Variants in CD83 observed in about 807,000 individuals in gnomAD.
CD83 encodes CD83 molecule, also known as CD83 antigen.
A neutral mutation model predicts 24.6 loss-of-function variants in CD83; 22 were observed. The observed-to-expected ratio is 0.90, with a 90% CI of 0.64 to 1.28. The LOEUF is 1.28. Among genes scored for constraint, CD83 ranks in the 50% most tolerant of loss-of-function variants. The pLI is 0.00. For synonymous variants in CD83, 101 were observed against 103.5 expected (o/e 0.98, Z 0.14); for missense variants, 253 against 252.8 (o/e 1.00, Z -0.01).
chr6:14,128,253 GT>G (rs1383094513), intron 2 of CD83, among the ~76,000 whole-genome samples: 1 of 152,160 alleles, frequency 6.6e-6, no homozygotes, highest in East Asian at 1.9e-4. Context: ...ATAAAGCAGG[GT>G]GATAGCTGCC....
At chr6:14,126,132 T>C (rs1048780854) in intron 2 of CD83, among the ~76,000 whole-genome samples, 1 of 152,242 alleles carries the variant, frequency 6.6e-6, no homozygotes, top group Non-Finnish European at 1.5e-5. Flanking sequence ...ATGGAGAAAC[T>C]GGGATTGACT....
At chr6:14,134,939 G>C (rs899896237) in intron 4 of CD83, among the ~76,000 whole-genome samples, 169 bp from the exon 5 acceptor site, 1 of 152,178 alleles carries the variant, frequency 6.6e-6, no homozygotes, top group Non-Finnish European at 1.5e-5. Context: ...GTTTAGAGAC[G>C]CCAGTGAAAT....
At position 14,131,661 on chromosome 6, in the gene CD83, A is replaced by G; in HGVS notation, c.295A>G (p.Ser99Gly). The G allele has an allele frequency of 6.2e-7, 1 of 1,614,190 alleles. No individual in the cohort carries two copies. Among genetic ancestry groups the G allele is most frequent in the Non-Finnish European group, 8.5e-7 (1 of 1,180,022 alleles). ...PYSLKIRNTT[S>G]CNSGTYRCTL... ...TTCCCTGAAGATCCGAAACACTACCAGCTGCAACTCGGGGACATACAGGTG... is the reference window on the plus strand; with the variant it reads ...TTCCCTGAAGATCCGAAACACTACCGGCTGCAACTCGGGGACATACAGGTG... The change falls in exon 3 of 5, where the codon AGC (serine) becomes GGC (glycine). Residue 99 changes from serine to glycine, a missense_variant. Physicochemically the swap from Ser to Gly is moderately conservative, Grantham distance 56 (BLOSUM62 0). Transcript: ENST00000379153.
intron 4 of CD83, 43 bp downstream of exon 4, chr6:14,133,798 C>A: frequency 8.0e-7 from 1 of 1,254,762 alleles, no homozygotes; most frequent in Non-Finnish European, 1.2e-6. Context: ...AAAAGATTAC[C>A]CAGGGCACCA....
chr6:14,118,099 G>C, intron 2 of CD83, 34 bp downstream of exon 2: 1 of 1,500,722 alleles, frequency 6.7e-7, no homozygotes, highest in Non-Finnish European at 9.1e-7. Flanking sequence ...CTGGGGTTTG[G>C]TGGGCTCATT....
At chr6:14,128,140 A>G (rs1759864080) in intron 2 of CD83, among the ~76,000 whole-genome samples, 2 of 152,230 alleles carry the variant, frequency 1.3e-5, no homozygotes, top group Admixed American at 6.5e-5. Flanking sequence ...AACTCATAAA[A>G]CAAAGCAAAG....
chr6:14,123,962 G>T (rs888450306), intron 2 of CD83, among the ~76,000 whole-genome samples: 1 of 152,082 alleles, frequency 6.6e-6, no homozygotes, highest in Non-Finnish European at 1.5e-5. Flanking sequence ...CCTAAAAAAA[G>T]TTTCCTCCCT....
At chr6:14,120,819 T>C (rs1307419591) in intron 2 of CD83, among the ~76,000 whole-genome samples, 1 of 152,254 alleles carries the variant, frequency 6.6e-6, no homozygotes, top group Non-Finnish European at 1.5e-5. Context: ...TCATATGCCT[T>C]TGACCAGAAA....
intron 3 of CD83, among the ~76,000 whole-genome samples, chr6:14,133,027 A>T (rs1006547925): frequency 3.3e-5 from 5 of 152,150 alleles, no homozygotes; most frequent in African/African-American, 1.2e-4. Flanking sequence ...AAACCCTTTA[A>T]CAGCCCTGAG....
chr6:14,125,340 G>C (rs1489965288), intron 2 of CD83, among the ~76,000 whole-genome samples: 4 of 152,188 alleles, frequency 2.6e-5, no homozygotes, highest in Admixed American at 2.0e-4. Flanking sequence ...CTACATAGCA[G>C]CCAGATCACA....
chr6:14,131,425 TTGAGGCTGGATCTTC>T, intron 2 of CD83, 80 bp from the exon 3 acceptor site: 1 of 865,718 alleles, frequency 1.2e-6, no homozygotes. Flanking sequence ...CAAACATAAG[TTGAGGCTGGATCTTC>T]TGAAAACAAA....
In CD83 at chr6:14,135,345, A is replaced by G. The variant is rs1758025047; in HGVS notation, c.*109A>G. On this transcript the variant is annotated 3_prime_UTR_variant, in exon 5 of 5. Transcript: ENST00000379153. ...CTACGCTGAAGATGGCATCCTGTGA[A>G]GTCCTTCACCTCACTGAAAACATCT... is the stretch of plus-strand genomic sequence containing the variant. 1 of 1,241,460 alleles carries G rather than the reference A, an allele frequency of 8.1e-7. No homozygotes were observed. The highest frequency in any genetic ancestry group is 1.1e-6 in the Non-Finnish European group (1 of 890,480). 76.9% of individuals were successfully genotyped at this position (1,241,460 alleles called of 1,614,324 possible). A position where few individuals can be genotyped will look rare whatever the true frequency, so the allele number is the denominator to read the frequency against.
intron 2 of CD83, among the ~76,000 whole-genome samples, chr6:14,118,629 C>CA (rs1759600077): frequency 6.6e-6 from 1 of 152,172 alleles, no homozygotes; most frequent in African/African-American, 2.4e-5. Context: ...CTCCCCTAGC[C>CA]CTCCTCCTCC....
chr6:14,128,839 TCAAATAAATTTTATTGGTGTTGCTGCTGA>T, intron 2 of CD83, among the ~76,000 whole-genome samples: 2 of 152,322 alleles, frequency 1.3e-5, no homozygotes, highest in African/African-American at 4.8e-5. Context: ...AATCTAACCG[TCAAATAAATTTTATTGGTGTTGCTGCTGA>T]TTTTTAAAAT....
Position 14,125,495 on chromosome 6 carries a change from C to A in CD83, c.154-6025C>A, listed in dbSNP as rs184052825. Among the ~76,000 whole-genome samples, 468 of 152,308 alleles carry A rather than the reference C, an allele frequency of 3.1e-3. 2 individuals carry two copies. The highest frequency in any genetic ancestry group is 0.011 in the African/African-American group (447 of 41,560). ...CAAAGGAGAAGGTTGTGTTTCTCTT[C>A]AAATATCTCAACTTATGTCTGATTA... On this transcript the variant is annotated intron_variant, in intron 2 of 4. Transcript: ENST00000379153.
At chr6:14,123,165 T>C (rs1255946859) in intron 2 of CD83, among the ~76,000 whole-genome samples, 2 of 151,912 alleles carry the variant, frequency 1.3e-5, no homozygotes, top group Non-Finnish European at 2.9e-5. Flanking sequence ...TGGTGTGATC[T>C]CAGCTCACTG....
chr6:14,117,699 G>A (rs1395100073), upstream of CD83: 1 of 738,074 alleles, frequency 1.4e-6, no homozygotes, highest in African/African-American at 1.9e-5. This position sits in a 1 kb window ranked among gnomAD's most constrained non-coding sequence, Gnocchi z 4.6. Flanking sequence ...GCCCGCCGGG[G>A]AATCCCCCGG....
At chr6:14,134,138 C>G (rs1757988805) in intron 4 of CD83, among the ~76,000 whole-genome samples, 1 of 152,244 alleles carries the variant, frequency 6.6e-6, no homozygotes. Context: ...GTGGGCCCCA[C>G]TGCCCCAGGG....
chr6:14,131,703 G>A lies in CD83; in HGVS notation c.337G>A (p.Asp113Asn), dbSNP rs1561832290. The change falls in exon 3 of 5, where the codon GAT (aspartate) becomes AAT (asparagine). Residue 113 changes from aspartate (D) to asparagine (N), a missense_variant. Physicochemically the swap from Asp to Asn is conservative, Grantham distance 23. Transcript: ENST00000379153. ...ATACAGGTGCACTCTGCAGGACCCG[G>A]ATGGGCAGAGAAACCTAAGTGGCAA... The part of the protein sequence containing the change: ...GTYRCTLQDP[D>N]GQRNLSGKVI... The A allele has an allele frequency of 6.2e-7, 1 of 1,614,204 alleles. No homozygotes were observed.
Sources: allele counts gnomAD v4.1 joint callset (sites outside exome capture counted in the v4.1 genomes callset), GRCh38; gene constraint gnomAD v4.1.1; non-coding constraint Gnocchi (gnomAD v3.1); transcripts MANE v1.5; gene names NCBI Gene and HGNC (gene_info 2026-07-23, HGNC 2026-07-21).